The following GUCY1A2 variants were observed in gnomAD, a reference collection of about 807,000 sequenced individuals.
GUCY1A2 encodes the protein guanylate cyclase soluble subunit alpha-2.
A neutral mutation model predicts 63.5 loss-of-function variants in GUCY1A2; 27 were observed. That is an observed-to-expected ratio of 0.43 (90% CI 0.31 to 0.59). The LOEUF is 0.59. Among genes scored for constraint, GUCY1A2 ranks in the 20% least tolerant of loss-of-function variants. The probability of loss-of-function intolerance (pLI) is 0.11; values close to 1 mark genes in which losing one functional copy is unlikely to be tolerated. For synonymous variants in GUCY1A2, 364 were observed against 343.5 expected, an observed-to-expected ratio of 1.06 and a Z score of -0.66; for missense variants, 768 against 913.3, an observed-to-expected ratio of 0.84 and a Z score of 2.05.
chr11:106,796,568 A>G (rs1344862896), intron 5 of GUCY1A2, among the ~76,000 whole-genome samples: 1 of 152,162 alleles, frequency 6.6e-6, no homozygotes, highest in Non-Finnish European at 1.5e-5. Context: ...TTCTGGGTTG[A>G]AAATTCTTTT....
intron 4 of GUCY1A2, among the ~76,000 whole-genome samples, chr11:106,841,555 G>A (rs1210767607): frequency 6.6e-5 from 10 of 151,794 alleles, no homozygotes; most frequent in Non-Finnish European, 1.5e-4. Flanking sequence ...AAACATATTT[G>A]ATGTTTTTGC....
intron 4 of GUCY1A2, among the ~76,000 whole-genome samples, chr11:106,863,282 T>C (rs1159611784): frequency 6.6e-6 from 1 of 152,174 alleles, no homozygotes; most frequent in Non-Finnish European, 1.5e-5. Flanking sequence ...GTCTTAGATT[T>C]AAGTCTTTAA....
intron 4 of GUCY1A2, among the ~76,000 whole-genome samples, chr11:106,899,248 G>T (rs1208396923): frequency 2.6e-5 from 4 of 152,014 alleles, no homozygotes; most frequent in Admixed American, 2.6e-4. Flanking sequence ...TGATGGCAAG[G>T]AAATCAATCC....
intron 3 of GUCY1A2, among the ~76,000 whole-genome samples, chr11:106,964,842 T>C (rs1446198573): frequency 6.6e-6 from 1 of 152,078 alleles, no homozygotes; most frequent in Non-Finnish European, 1.5e-5. Context: ...TAGCTGGGCG[T>C]GGTGGCGGGC....
intron 4 of GUCY1A2, among the ~76,000 whole-genome samples, chr11:106,854,882 C>G (rs190378755): frequency 6.6e-6 from 1 of 152,158 alleles, no homozygotes; most frequent in East Asian, 1.9e-4. Context: ...CTGGGGGCAG[C>G]CACCCTGGTG....
chr11:106,929,263 A>G (rs1428904274), intron 4 of GUCY1A2, among the ~76,000 whole-genome samples: 1 of 152,204 alleles, frequency 6.6e-6, no homozygotes, highest in Non-Finnish European at 1.5e-5. Context: ...AGCTTTTATT[A>G]TTCATCATAG....
At chr11:106,758,710 T>C (rs1216639732) in intron 6 of GUCY1A2, among the ~76,000 whole-genome samples, 1 of 152,232 alleles carries the variant, frequency 6.6e-6, no homozygotes, top group Non-Finnish European at 1.5e-5. Flanking sequence ...ATTTAGTTCT[T>C]ATTTCCTAGG....
At chr11:106,844,369 TGCAA>T (rs1859243283) in intron 4 of GUCY1A2, among the ~76,000 whole-genome samples, 1 of 151,816 alleles carries the variant, frequency 6.6e-6, no homozygotes, top group Non-Finnish European at 1.5e-5. Context: ...TCGGAATATG[TGCAA>T]TACCTAAGAA....
At chr11:106,947,951 A>T (rs1055932146) in intron 3 of GUCY1A2, among the ~76,000 whole-genome samples, 1 of 152,222 alleles carries the variant, frequency 6.6e-6, no homozygotes, top group East Asian at 1.9e-4. Context: ...GCTGAAATTA[A>T]GAAAGAAAGT....
intron 6 of GUCY1A2, among the ~76,000 whole-genome samples, chr11:106,709,325 ATTATATAAATATATATAAATTTATATATT>A (rs1862993287): frequency 1.9e-5 from 1 of 54,010 alleles, no homozygotes; most frequent in Non-Finnish European, 2.9e-5. Context: ...ATTTATATAT[ATTATATAAATATATATAAATTTATATATT>A]TTATATAATA....
chr11:106,846,782 A>C lies in GUCY1A2; in HGVS notation c.1207-36304T>G, dbSNP rs72986520. 8.5e-3 allele frequency among the ~76,000 whole-genome samples: 1,287 copies of C among 151,752 alleles called. 8 individuals are homozygous for C. Among genetic ancestry groups the C allele is most frequent in the Non-Finnish European group, 0.014 (952 of 67,696 alleles). ...CCTAAACTAGAGAACTGAACAAATG[A>C]AATAGAAAATTATTCAAAGATATAA... On this transcript the variant is annotated intron_variant, in intron 4 of 7. Transcript: ENST00000526355.
chr11:106,785,380 G>A (rs1293776475), intron 5 of GUCY1A2, among the ~76,000 whole-genome samples: 2 of 151,880 alleles, frequency 1.3e-5, no homozygotes, highest in African/African-American at 4.8e-5. Context: ...CTGATTTCTG[G>A]ATCTGTAATT....
At position 106,674,282 on chromosome 11, in the gene GUCY1A2, C is replaced by T. The variant is rs527365497; in HGVS notation, c.*13267G>A. ...ATGCTATTTACATTGTGAATGATTT[C>T]GAATAATAACAAATAAAAGAATGAG... On this transcript the variant is annotated 3_prime_UTR_variant, in exon 8 of 8. Coordinates refer to ENST00000526355, the MANE Select transcript of GUCY1A2 (RefSeq NM_000855.3). 21 of 181,002 alleles carry T rather than the reference C, an allele frequency of 1.2e-4. 1 individual carries two copies. Among genetic ancestry groups the T allele is most frequent in the African/African-American group, 2.1e-4 (9 of 42,410 alleles). The allele number at this position is 181,002 out of a possible 1,614,324, so 11.2% of individuals were successfully genotyped here.
chr11:107,018,117 C>T lies in GUCY1A2; in HGVS notation c.-62G>A, dbSNP rs1240704772. 35 of 1,118,744 alleles carry T rather than the reference C, an allele frequency of 3.1e-5. No homozygotes were observed. Among genetic ancestry groups the T allele is most frequent in the Non-Finnish European group, 4.0e-5 (34 of 849,184 alleles). 69.3% of individuals were successfully genotyped at this position (1,118,744 alleles called of 1,614,324 possible). On this transcript the variant is annotated 5_prime_UTR_variant, in exon 1 of 8. Transcript: ENST00000526355. The stretch of plus-strand genomic sequence containing the variant: ...GCGAGGACGCGAGCGGCGGCGGAGG[C>T]GGCGGTGGCGGGACCGGCAAGCGAC...
Position 106,809,955 on chromosome 11 carries a change from TA to T in GUCY1A2, c.1692+37del, listed in dbSNP as rs759164543. 9.7e-6 allele frequency: 13 copies of T among 1,340,150 alleles called. No homozygotes were observed. The South Asian group carries it at 1.3e-4, about 13-fold the overall frequency. 83.0% of individuals were successfully genotyped at this position (1,340,150 alleles called of 1,614,324 possible). A position where few individuals can be genotyped will look rare whatever the true frequency, so the allele number is the denominator to read the frequency against. On this transcript the variant is annotated intron_variant, in intron 5 of 7. Transcript: ENST00000526355. ...TTTAATTCACATGACAATTTACTAT[TA>T]AAAAACATTTATATGTAAGTAACTA... is the stretch of plus-strand genomic sequence containing the variant.
At chr11:106,787,119 A>AT (rs548498671) in intron 5 of GUCY1A2, among the ~76,000 whole-genome samples, 14 of 150,534 alleles carry the variant, frequency 9.3e-5, no homozygotes, top group Non-Finnish European at 1.3e-4. Flanking sequence ...TTTTTTATTA[A>AT]TTTTTTATTT....
At chr11:106,990,646 A>G (rs1350759451) in intron 1 of GUCY1A2, among the ~76,000 whole-genome samples, 1 of 152,258 alleles carries the variant, frequency 6.6e-6, no homozygotes, top group Non-Finnish European at 1.5e-5. Context: ...CACAAAATAC[A>G]TGTATGTCTC....
intron 4 of GUCY1A2, among the ~76,000 whole-genome samples, chr11:106,858,490 G>A (rs1859466929): frequency 6.6e-6 from 1 of 152,010 alleles, no homozygotes; most frequent in African/African-American, 2.4e-5. Flanking sequence ...TTTTATAGAT[G>A]AGAAAACTGA....
chr11:106,953,229 T>A (rs1221590424), intron 3 of GUCY1A2, among the ~76,000 whole-genome samples: 1 of 152,198 alleles, frequency 6.6e-6, no homozygotes, highest in Admixed American at 6.5e-5. Context: ...AGAGTTAACA[T>A]GAAGCGATGT....
Sources: allele counts gnomAD v4.1 joint callset (sites outside exome capture counted in the v4.1 genomes callset), GRCh38; gene constraint gnomAD v4.1.1; transcripts MANE v1.5; gene names NCBI Gene and HGNC (gene_info 2026-07-23, HGNC 2026-07-21).